CACNA1D: variants seen among roughly 807,000 people sequenced by gnomAD.
CACNA1D encodes the protein voltage-dependent L-type calcium channel subunit alpha-1D.
Under a neutral mutation model 257.1 loss-of-function variants are expected in CACNA1D, and 55 were observed. That is an observed-to-expected ratio of 0.21 (90% CI 0.17 to 0.27). CACNA1D has a LOEUF of 0.27. CACNA1D is among the 10% of genes least tolerant of loss of function. The pLI, the probability that CACNA1D is intolerant of heterozygous loss-of-function variation, is 1.00. For synonymous variants in CACNA1D, 980 were observed against 1,014.9 expected, an observed-to-expected ratio of 0.97 and a Z score of 0.65; for missense variants, 1,876 against 2,784.0, an observed-to-expected ratio of 0.67 and a Z score of 7.34.
chr3:53,579,574 A>G (rs2093095818), intron 3 of CACNA1D, among the ~76,000 whole-genome samples: 1 of 152,304 alleles, frequency 6.6e-6, no homozygotes, highest in Non-Finnish European at 1.5e-5. Flanking sequence ...TTGTTGAGGG[A>G]CTAGTGAGCA....
chr3:53,595,851 G>C (rs1053936185), intron 3 of CACNA1D, among the ~76,000 whole-genome samples: 4 of 152,194 alleles, frequency 2.6e-5, no homozygotes, highest in Admixed American at 6.5e-5. Context: ...AAGGCATTTT[G>C]TGACATGTGC....
chr3:53,526,149 A>G (rs139388157), intron 3 of CACNA1D, among the ~76,000 whole-genome samples: 238 of 152,302 alleles, frequency 1.6e-3, no homozygotes, highest in Middle Eastern at 3.4e-3. Context: ...TCACGCGCAC[A>G]TCCGGAACCA....
chr3:53,532,537 TGGA>T (rs1188907255), intron 3 of CACNA1D, among the ~76,000 whole-genome samples: 3 of 152,154 alleles, frequency 2.0e-5, no homozygotes, highest in African/African-American at 7.2e-5. Context: ...AATGAAGAGA[TGGA>T]TAAAGATAAG....
At chr3:53,562,932 G>A (rs746898733) in intron 3 of CACNA1D, among the ~76,000 whole-genome samples, 1 of 152,190 alleles carries the variant, frequency 6.6e-6, no homozygotes, top group Admixed American at 6.5e-5. Context: ...TTTATACAAG[G>A]CTGAATGGAA....
intron 3 of CACNA1D, among the ~76,000 whole-genome samples, chr3:53,585,879 A>ACAGG (rs1559878387): frequency 6.6e-6 from 1 of 152,142 alleles, no homozygotes; most frequent in Admixed American, 6.5e-5. Flanking sequence ...TGAAGCTCAC[A>ACAGG]CAGGCAGGCA....
intron 3 of CACNA1D, 26 bp from the exon 4 acceptor site, chr3:53,650,753 G>A: frequency 6.2e-7 from 1 of 1,612,816 alleles, no homozygotes; most frequent in Non-Finnish European, 8.5e-7. Flanking sequence ...TGCTTTTTTG[G>A]TATGTTTCTT....
intron 3 of CACNA1D, among the ~76,000 whole-genome samples, chr3:53,611,433 CAT>C: frequency 6.6e-6 from 1 of 152,242 alleles, no homozygotes; most frequent in East Asian, 1.9e-4. Flanking sequence ...ATAATGTACA[CAT>C]AAGGTTTTTT....
chr3:53,726,256 A>G (rs2094933638), intron 14 of CACNA1D, among the ~76,000 whole-genome samples: 1 of 152,194 alleles, frequency 6.6e-6, no homozygotes, highest in African/African-American at 2.4e-5. Flanking sequence ...AACGTGTTTA[A>G]ATCTGTAGTT....
intron 9 of CACNA1D, among the ~76,000 whole-genome samples, chr3:53,713,502 A>ATG (rs35655186): frequency 0.052 from 6,783 of 129,318 alleles, 183 homozygotes; most frequent in Non-Finnish European, 0.063. Flanking sequence ...CTCTGTGTGT[A>ATG]TGTGTGTGTG....
At chr3:53,652,312 C>T (rs1380214608) in intron 4 of CACNA1D, among the ~76,000 whole-genome samples, 1 of 152,102 alleles carries the variant, frequency 6.6e-6, no homozygotes, top group Non-Finnish European at 1.5e-5. Context: ...CACTACAGCA[C>T]AGCACAAGGA....
chr3:53,501,564 G>T, intron 2 of CACNA1D, 51 bp from the exon 3 acceptor site: 1 of 938,786 alleles, frequency 1.1e-6, no homozygotes. Context: ...TGTGATGAGG[G>T]ACATGGTTTA....
chr3:53,670,405 C>T (rs55685357), intron 7 of CACNA1D, among the ~76,000 whole-genome samples: 8 of 152,052 alleles, frequency 5.3e-5, no homozygotes, highest in Non-Finnish European at 4.4e-5. Context: ...AGTGCAATGG[C>T]GTGATCTTGG....
At chr3:53,666,214 T>C in intron 6 of CACNA1D, 125 bp from the exon 7 acceptor site, 1 of 871,442 alleles carries the variant, frequency 1.1e-6, no homozygotes, top group Non-Finnish European at 2.0e-6. Flanking sequence ...ACAAGCAGGA[T>C]CCTGAGGCAA....
chr3:53,803,924 C>T (rs1212367690), intron 44 of CACNA1D, among the ~76,000 whole-genome samples: 5 of 152,230 alleles, frequency 3.3e-5, no homozygotes, highest in South Asian at 2.1e-4. Context: ...GGAGCTCTGG[C>T]GGCCCCAGGG....
chr3:53,656,337 G>A (rs1276659169), intron 4 of CACNA1D, among the ~76,000 whole-genome samples: 1 of 152,104 alleles, frequency 6.6e-6, no homozygotes, highest in Non-Finnish European at 1.5e-5. Flanking sequence ...GGTTTGATAG[G>A]AATAACATTG....
rs528201533 is a variant in CACNA1D at position 53,495,757 on chromosome 3, C to T, written c.67+524C>T. Reference sequence around the variant, plus strand: ...CGCGGGGGAGGCCCGGCCTCGGTATCGGGGAAAGGGGTTCGGGTGGAGCGT... The same window carrying T: ...CGCGGGGGAGGCCCGGCCTCGGTATTGGGGAAAGGGGTTCGGGTGGAGCGT... On this transcript the variant is annotated intron_variant, in intron 1 of 47. Transcript: ENST00000350061. The surrounding 1 kb of genome is among the most constrained non-coding windows in gnomAD (Gnocchi z 5.1). 5.3e-5 allele frequency among the ~76,000 whole-genome samples: 8 copies of T among 152,356 alleles called. No individual in the cohort carries two copies. The highest frequency in any genetic ancestry group is 1.7e-4 in the African/African-American group (7 of 41,586).
chr3:53,617,300 T>G (rs71301843), intron 3 of CACNA1D, among the ~76,000 whole-genome samples: 15,415 of 151,620 alleles, frequency 0.1, 836 homozygotes, highest in African/African-American at 0.13. Context: ...GTGGGTGGGG[T>G]GGAGGTAGTG....
intron 7 of CACNA1D, 31 bp from the exon 8 acceptor site, chr3:53,672,992 C>A: frequency 7.1e-7 from 1 of 1,406,218 alleles, no homozygotes; most frequent in South Asian, 1.2e-5. Context: ...CTTATTAACC[C>A]ACTCCTATGA....
chr3:53,740,427 T>G (rs2095104903), intron 21 of CACNA1D, 88 bp downstream of exon 21: 1 of 870,362 alleles, frequency 1.1e-6, no homozygotes, highest in African/African-American at 1.6e-5. Flanking sequence ...AGATGCTAGG[T>G]TACGCAGACT....
Sources: gnomAD v4.1 joint callset for allele counts (sites outside exome capture counted in the v4.1 genomes callset) on GRCh38, gnomAD v4.1.1 for gene constraint, Gnocchi (gnomAD v3.1) non-coding constraint, MANE v1.5 for transcripts, NCBI Gene and HGNC (gene_info 2026-07-23, HGNC 2026-07-21) for gene names.